OPCML: variants seen among roughly 807,000 people sequenced by gnomAD.
OPCML encodes the protein opioid-binding protein/cell adhesion molecule.
OPCML carries 13 observed loss-of-function variants against 37.8 expected under a neutral mutation model. That is an observed-to-expected ratio of 0.34 (90% CI 0.22 to 0.55). The LOEUF is 0.55. Ranked by LOEUF, OPCML falls within the 20% of genes least tolerant of loss-of-function variation. The pLI is 0.91. For synonymous variants in OPCML, 176 were observed against 168.8 expected (o/e 1.04, Z -0.33); for missense variants, 341 against 435.6 (o/e 0.78, Z 1.93).
chr11:132,696,010 T>G (rs1171150848), intron 2 of OPCML, among the ~76,000 whole-genome samples: 1 of 152,068 alleles, frequency 6.6e-6, no homozygotes, highest in Non-Finnish European at 1.5e-5. Flanking sequence ...AGTCAGTTCT[T>G]CCTCCAGCCC....
At chr11:133,459,398 G>GTTA (rs1946807173) in intron 1 of OPCML, among the ~76,000 whole-genome samples, 2 of 151,992 alleles carry the variant, frequency 1.3e-5, no homozygotes, top group Admixed American at 6.5e-5. Flanking sequence ...TATGTAAGTG[G>GTTA]CTTAAACTCT....
Position 132,657,327 on chromosome 11 carries a change from G to A in OPCML, c.147-8C>T. Reference sequence around the variant, plus strand: ...CGGTCATCTATGGTACACCTGCAGTGAGGCAGGGAGTGGTGGAGGGAGGAA... The same window carrying A: ...CGGTCATCTATGGTACACCTGCAGTAAGGCAGGGAGTGGTGGAGGGAGGAA... On this transcript the variant is annotated splice_region_variant and splice_polypyrimidine_tract_variant and intron_variant, in intron 2 of 7. Transcript: ENST00000524381. 2.5e-6 allele frequency: 4 copies of A among 1,613,760 alleles called. No individual in the cohort carries two copies. The highest frequency in any genetic ancestry group is 8.5e-7 in the Non-Finnish European group (1 of 1,179,646).
Position 133,203,500 on chromosome 11 carries a change from C to T in OPCML, c.62-260490G>A, listed in dbSNP as rs553682165. Among the ~76,000 whole-genome samples, 9 of 152,248 alleles carry T rather than the reference C, an allele frequency of 5.9e-5. No homozygotes were observed. In the South Asian group the frequency reaches 1.5e-3, roughly 25 times the overall value. On this transcript the variant is annotated intron_variant, in intron 1 of 7. Transcript: ENST00000524381. ...AGGAGGTGGAAGTCAGTGTTCGCCTCGGAGGCTTTTGACACAGGACTTTTC... is the reference window on the plus strand; with the variant it reads ...AGGAGGTGGAAGTCAGTGTTCGCCTTGGAGGCTTTTGACACAGGACTTTTC...
chr11:132,819,523 GGACACA>G (rs975893609), intron 2 of OPCML, among the ~76,000 whole-genome samples: 3 of 151,998 alleles, frequency 2.0e-5, no homozygotes, highest in African/African-American at 7.2e-5. Flanking sequence ...AATAGCAGTT[GGACACA>G]GAATTATCAA....
At chr11:133,089,140 C>T (rs1948865329) in intron 1 of OPCML, among the ~76,000 whole-genome samples, 1 of 152,120 alleles carries the variant, frequency 6.6e-6, no homozygotes, top group Admixed American at 6.6e-5. Context: ...TGATCTTGAG[C>T]CAGTCTTTCT....
intron 1 of OPCML, among the ~76,000 whole-genome samples, chr11:133,275,784 G>A (rs985967183): frequency 6.6e-6 from 1 of 152,158 alleles, no homozygotes; most frequent in African/African-American, 2.4e-5. Flanking sequence ...CATTTGTTCA[G>A]GAGTGGACAG....
intron 3 of OPCML, among the ~76,000 whole-genome samples, chr11:132,571,843 C>T (rs531120681): frequency 1.3e-5 from 2 of 152,280 alleles, no homozygotes; most frequent in Admixed American, 6.5e-5. Context: ...TGAGGAACCT[C>T]TATATTGTTT....
chr11:133,262,143 T>C (rs1173018958), intron 1 of OPCML, among the ~76,000 whole-genome samples: 1 of 152,216 alleles, frequency 6.6e-6, no homozygotes, highest in African/African-American at 2.4e-5. Context: ...TAGTATACAT[T>C]GTGGCACAGC....
chr11:132,888,511 T>C (rs996284340), intron 2 of OPCML, among the ~76,000 whole-genome samples: 13 of 152,236 alleles, frequency 8.5e-5, no homozygotes, highest in African/African-American at 3.1e-4. Flanking sequence ...CCCACGCATC[T>C]GCTGTCCTTG....
chr11:132,959,279 C>T (rs1946035965), intron 1 of OPCML, among the ~76,000 whole-genome samples: 1 of 152,178 alleles, frequency 6.6e-6, no homozygotes, highest in African/African-American at 2.4e-5. Context: ...AAAGATGTGA[C>T]AGTCTCACAA....
intron 1 of OPCML, among the ~76,000 whole-genome samples, chr11:133,433,251 C>CAA (rs71477795): frequency 0.011 from 1,018 of 90,614 alleles, 33 homozygotes; most frequent in African/African-American, 0.016. Context: ...GACTCCGTCT[C>CAA]AAAAAAAAAA....
At chr11:132,809,988 T>C (rs1565880070) in intron 2 of OPCML, among the ~76,000 whole-genome samples, 1 of 152,184 alleles carries the variant, frequency 6.6e-6, no homozygotes, top group Admixed American at 6.5e-5. Flanking sequence ...TAGCCGGGAC[T>C]ACAGGCGCCC....
intron 1 of OPCML, among the ~76,000 whole-genome samples, chr11:133,041,871 C>T (rs546905507): frequency 8.1e-4 from 124 of 152,268 alleles, no homozygotes; most frequent in Non-Finnish European, 1.3e-3. Flanking sequence ...CTGGTCCCTC[C>T]GGGTGCTTAG....
At chr11:132,840,054 G>C (rs1941222502) in intron 2 of OPCML, among the ~76,000 whole-genome samples, 1 of 152,092 alleles carries the variant, frequency 6.6e-6, no homozygotes, top group South Asian at 2.1e-4. Flanking sequence ...CAGTGAAAAT[G>C]GGAGGCAAAA....
rs185462640 is a variant in OPCML, at chr11:133,107,558, C to T, written c.62-164548G>A. On this transcript the variant is annotated intron_variant, in intron 1 of 7. Transcript: ENST00000524381. ...ACCAGAGCCAGATTTTCTGTTGACA[C>T]GCACACGACAGCAACACAATAGCTG... Among the ~76,000 whole-genome samples the T allele has an allele frequency of 3.4e-3, 512 of 152,288 alleles. 17 individuals are homozygous for T. Among genetic ancestry groups the T allele is most frequent in the Admixed American group, 0.031 (475 of 15,288 alleles).
intron 1 of OPCML, among the ~76,000 whole-genome samples, chr11:133,215,077 C>A (rs753270299): frequency 4.6e-5 from 7 of 152,182 alleles, no homozygotes; most frequent in Non-Finnish European, 1.0e-4. Context: ...TTATATCTCT[C>A]AATATCTCCA....
At chr11:132,563,965 G>A (rs1403073020) in intron 3 of OPCML, among the ~76,000 whole-genome samples, 1 of 152,108 alleles carries the variant, frequency 6.6e-6, no homozygotes, top group Admixed American at 6.5e-5. Context: ...CAACACACTG[G>A]TCAACCACTG....
chr11:132,809,399 G>C (rs1451834207), intron 2 of OPCML, among the ~76,000 whole-genome samples: 4 of 152,154 alleles, frequency 2.6e-5, no homozygotes. Context: ...GGACAAAGCA[G>C]CTCCGAGCTA....
intron 1 of OPCML, among the ~76,000 whole-genome samples, chr11:133,321,467 T>G (rs1943328299): frequency 6.6e-6 from 1 of 152,158 alleles, no homozygotes; most frequent in Non-Finnish European, 1.5e-5. Flanking sequence ...TACAGGAGTC[T>G]GGGGGGACAG....
Sources: gnomAD v4.1 joint callset for allele counts (sites outside exome capture counted in the v4.1 genomes callset) on GRCh38, gnomAD v4.1.1 for gene constraint, MANE v1.5 for transcripts, NCBI Gene and HGNC (gene_info 2026-07-23, HGNC 2026-07-21) for gene names.